Variants in CFAP97 observed in about 807,000 individuals in gnomAD.
CFAP97 encodes cilia and flagella associated protein 97.
CFAP97 carries 36 observed loss-of-function variants against 43.1 expected under a neutral mutation model. That is an observed-to-expected ratio of 0.84 (90% CI 0.64 to 1.10). The LOEUF is 1.10. Among genes scored for constraint, CFAP97 ranks in the 50% least tolerant of loss-of-function variants. The pLI is 0.00. For synonymous variants in CFAP97, 228 were observed against 225.7 expected (o/e 1.01, Z -0.09); for missense variants, 657 against 620.3 (o/e 1.06, Z -0.63).
At chr4:185,187,526 T>C (rs578234107) in intron 2 of CFAP97, among the ~76,000 whole-genome samples, 88 of 151,514 alleles carry the variant, frequency 5.8e-4, no homozygotes, top group Non-Finnish European at 4.7e-4. Flanking sequence ...AGGCTCTCCC[T>C]GGCAGAGACT....
upstream of CFAP97, chr4:185,204,226 A>T (rs113289632): frequency 0.092 from 14,074 of 152,240 alleles, 842 homozygotes; most frequent in Non-Finnish European, 0.14. Flanking sequence ...GGCGCCCTAG[A>T]GGCGTTACTG....
chr4:185,177,799 C>G (rs1735612907), intron 2 of CFAP97, among the ~76,000 whole-genome samples: 1 of 152,164 alleles, frequency 6.6e-6, no homozygotes, highest in African/African-American at 2.4e-5. Context: ...CATGCCAGTG[C>G]ACTCCAGCCT....
intron 1 of CFAP97, among the ~76,000 whole-genome samples, chr4:185,192,669 T>G (rs1736320364): frequency 6.6e-6 from 1 of 151,930 alleles, no homozygotes; most frequent in African/African-American, 2.4e-5. Context: ...TGTTACATTA[T>G]CTATTACTGA....
intron 3 of CFAP97, among the ~76,000 whole-genome samples, chr4:185,171,311 C>A (rs1337500791): frequency 6.6e-6 from 1 of 152,076 alleles, no homozygotes; most frequent in Admixed American, 6.6e-5. Flanking sequence ...CTGGGTAACA[C>A]AGCAAGACCT....
intron 1 of CFAP97, among the ~76,000 whole-genome samples, chr4:185,199,203 T>C (rs1736703932): frequency 6.6e-6 from 1 of 152,034 alleles, no homozygotes; most frequent in African/African-American, 2.4e-5. Flanking sequence ...CGAAACCCCA[T>C]CTCTACAAAA....
intron 1 of CFAP97, among the ~76,000 whole-genome samples, chr4:185,193,825 C>T (rs1411899873): frequency 6.6e-6 from 1 of 151,926 alleles, no homozygotes; most frequent in Non-Finnish European, 1.5e-5. Context: ...GAGACAGAGG[C>T]TGCAGTGAGC....
intron 1 of CFAP97, among the ~76,000 whole-genome samples, chr4:185,196,022 A>G (rs1450969954): frequency 2.0e-5 from 3 of 152,220 alleles, no homozygotes; most frequent in African/African-American, 7.2e-5. Context: ...TGCAATTAAA[A>G]ATTTTAAATT....
At chr4:185,177,223 G>C (rs1302981820) in intron 2 of CFAP97, among the ~76,000 whole-genome samples, 4 of 152,128 alleles carry the variant, frequency 2.6e-5, no homozygotes, top group South Asian at 2.1e-4. Flanking sequence ...GATCAGCCTG[G>C]ACAACATGGT....
chr4:185,167,247 G>A (rs992797676), intron 3 of CFAP97, among the ~76,000 whole-genome samples: 6 of 152,038 alleles, frequency 3.9e-5, no homozygotes, highest in African/African-American at 9.7e-5. Context: ...CAGGAGGATC[G>A]TGTGAGCCCA....
chr4:185,181,950 G>A (rs943548572), intron 2 of CFAP97, among the ~76,000 whole-genome samples: 1 of 152,078 alleles, frequency 6.6e-6, no homozygotes, highest in African/African-American at 2.4e-5. Context: ...TCCCTCACAC[G>A]TTGGTATCAC....
At chr4:185,197,357 C>T (rs923854068) in intron 1 of CFAP97, among the ~76,000 whole-genome samples, 5 of 151,768 alleles carry the variant, frequency 3.3e-5, no homozygotes, top group African/African-American at 4.8e-5. Context: ...TTAACAGCCA[C>T]GTGACTATTA....
chr4:185,209,860 G>A (rs1489734281), upstream of CFAP97: 9 of 983,314 alleles, frequency 9.2e-6, no homozygotes, highest in Non-Finnish European at 1.1e-5. The surrounding 1 kb of genome is among the most constrained non-coding windows in gnomAD (Gnocchi z 5.2). Flanking sequence ...TGGCGGCGCC[G>A]GCCCCAGCCC....
chr4:185,176,112 T>TTG, intron 2 of CFAP97, 61 bp from the exon 3 acceptor site: 1 of 1,277,406 alleles, frequency 7.8e-7, no homozygotes, highest in African/African-American at 1.6e-5. Flanking sequence ...GTACATGCTT[T>TTG]TTTTTTTTTT....
intron 3 of CFAP97, among the ~76,000 whole-genome samples, chr4:185,172,581 G>A (rs188974270): frequency 6.6e-6 from 1 of 152,190 alleles, no homozygotes; most frequent in East Asian, 1.9e-4. Context: ...CAAATGAAAG[G>A]ATATAAATCA....
rs79212443 is a variant in CFAP97, at chr4:185,196,716, C to T, written c.-16-5504G>A. The stretch of plus-strand genomic sequence containing the variant: ...AACTTTGGGTGGTATTAGACAGTGT[C>T]AAGTGTCATAGGTAATATGACAGAG... On this transcript the variant is annotated intron_variant, in intron 1 of 4. Coordinates refer to ENST00000458385, the MANE Select transcript of CFAP97 (RefSeq NM_020827.3). Among the ~76,000 whole-genome samples the T allele has an allele frequency of 3.2e-3, 485 of 152,240 alleles. 18 individuals carry two copies. The South Asian group carries it at 0.063, about 20-fold the overall frequency.
At chr4:185,164,301 C>T (rs2111311332) in intron 3 of CFAP97, 122 bp from the exon 4 acceptor site, 1 of 980,982 alleles carries the variant, frequency 1.0e-6, no homozygotes, top group East Asian at 2.6e-5. Context: ...CAAGATCTTA[C>T]TCTGTCACTC....
chr4:185,176,798 T>C (rs1257219166), intron 2 of CFAP97, among the ~76,000 whole-genome samples: 1 of 152,184 alleles, frequency 6.6e-6, no homozygotes, highest in Non-Finnish European at 1.5e-5. Context: ...CAGCAATGAC[T>C]GAGGGAAACA....
chr4:185,169,968 C>T, intron 3 of CFAP97: 2 of 1,041,520 alleles, frequency 1.9e-6, no homozygotes, highest in Non-Finnish European at 2.3e-6. Context: ...GATTAATATT[C>T]ATAGTAGGTA....
chr4:185,165,846 T>C (rs1735047406), intron 3 of CFAP97, among the ~76,000 whole-genome samples: 1 of 152,168 alleles, frequency 6.6e-6, no homozygotes, highest in African/African-American at 2.4e-5. Flanking sequence ...CCCCCTGCCC[T>C]TCCATGCTGA....
Sources: allele counts gnomAD v4.1 joint callset (sites outside exome capture counted in the v4.1 genomes callset), GRCh38; gene constraint gnomAD v4.1.1; non-coding constraint Gnocchi (gnomAD v3.1); transcripts MANE v1.5; gene names NCBI Gene and HGNC (gene_info 2026-07-23, HGNC 2026-07-21).